Variants in PCP4L1 observed in about 807,000 individuals in gnomAD.
PCP4L1 encodes the protein Purkinje cell protein 4 like 1.
Under a neutral mutation model 9.6 loss-of-function variants are expected in PCP4L1, and 9 were observed. That is an observed-to-expected ratio of 0.94 (90% CI 0.57 to 1.64). The LOEUF is 1.64. Ranked by LOEUF, PCP4L1 falls within the 40% of genes most tolerant of loss-of-function variation. The probability of loss-of-function intolerance (pLI) is 0.00; values close to 1 mark genes in which losing one functional copy is unlikely to be tolerated. For missense variants in PCP4L1, 81 were observed against 80.8 expected (o/e 1.00, Z -0.01); for synonymous variants, 31 against 28.2 (o/e 1.10, Z -0.31).
chr1:161,281,096 G>A (rs1029520626), intron 1 of PCP4L1, among the ~76,000 whole-genome samples: 7 of 152,082 alleles, frequency 4.6e-5, no homozygotes, highest in South Asian at 2.1e-4. Flanking sequence ...ATCTTGCACC[G>A]CCCCTAATCC....
chr1:161,265,732 C>CTTTTTTT (rs869123262), intron 1 of PCP4L1, among the ~76,000 whole-genome samples: 1 of 76,704 alleles, frequency 1.3e-5, no homozygotes. Context: ...TCCAAAACCA[C>CTTTTTTT]TTTTTTTTTT....
chr1:161,274,227 C>G (rs1043247523), intron 1 of PCP4L1, among the ~76,000 whole-genome samples: 4 of 152,034 alleles, frequency 2.6e-5, no homozygotes, highest in African/African-American at 9.7e-5. Flanking sequence ...TTCCAGTTCC[C>G]CCAGTTGGGT....
chr1:161,279,629 T>C (rs992745578), intron 1 of PCP4L1, among the ~76,000 whole-genome samples: 1 of 152,222 alleles, frequency 6.6e-6, no homozygotes, highest in African/African-American at 2.4e-5. Flanking sequence ...ACTAAGCTGT[T>C]CCAAGAATTA....
rs1669875580 is a variant in PCP4L1, at chr1:161,284,495, C to CCCTTCA, written c.*27_*32dup. ...CCCAGCTCCTGAATGGCCAGGCTTG[C>CCCTTCA]CCTTCACCTTCACCTTCATGCTGGT... On this transcript the variant is annotated 3_prime_UTR_variant, in exon 3 of 3. Coordinates refer to ENST00000504449, the MANE Select transcript of PCP4L1 (RefSeq NM_001102566.2). The CCCTTCA allele has an allele frequency of 1.2e-6, 2 of 1,608,922 alleles. No homozygotes were observed. Among genetic ancestry groups the CCCTTCA allele is most frequent in the South Asian group, 1.1e-5 (1 of 90,298 alleles).
chr1:161,269,268 A>G (rs975989602), intron 1 of PCP4L1, among the ~76,000 whole-genome samples: 1 of 152,160 alleles, frequency 6.6e-6, no homozygotes, highest in African/African-American at 2.4e-5. Flanking sequence ...AGGGGGGGTA[A>G]GACATTACCT....
chr1:161,267,905 GT>G (rs1340916036), intron 1 of PCP4L1, among the ~76,000 whole-genome samples: 1 of 152,046 alleles, frequency 6.6e-6, no homozygotes, highest in Non-Finnish European at 1.5e-5. Context: ...TAGAGACAGG[GT>G]TTCACCATGT....
At chr1:161,275,061 AG>A (rs1260325155) in intron 1 of PCP4L1, among the ~76,000 whole-genome samples, 1 of 152,130 alleles carries the variant, frequency 6.6e-6, no homozygotes, top group African/African-American at 2.4e-5. Context: ...TTCCAGGGCC[AG>A]TGATCTCCAG....
At chr1:161,264,375 G>A (rs1279787431) in intron 1 of PCP4L1, among the ~76,000 whole-genome samples, 2 of 152,100 alleles carry the variant, frequency 1.3e-5, no homozygotes, top group African/African-American at 4.8e-5. Flanking sequence ...AAATTAGCCA[G>A]GTGTGGTGGC....
chr1:161,279,462 A>C (rs547751870), intron 1 of PCP4L1, among the ~76,000 whole-genome samples: 1 of 152,252 alleles, frequency 6.6e-6, no homozygotes, highest in South Asian at 2.1e-4. Flanking sequence ...GAACACAAGT[A>C]AGTGCTTGAT....
chr1:161,265,244 G>A (rs1424344292), intron 1 of PCP4L1, among the ~76,000 whole-genome samples: 2 of 152,088 alleles, frequency 1.3e-5, no homozygotes, highest in Non-Finnish European at 2.9e-5. Flanking sequence ...GGAAGAGAAT[G>A]GTAAGGCCAG....
At chr1:161,262,433 C>CAA (rs539872397) in intron 1 of PCP4L1, among the ~76,000 whole-genome samples, 1,231 of 62,498 alleles carry the variant, frequency 0.02, 38 homozygotes, top group East Asian at 0.079. Flanking sequence ...GACTCCATCT[C>CAA]AAAAAAAAAA....
At chr1:161,260,275 T>C (rs2501865) in intron 1 of PCP4L1, among the ~76,000 whole-genome samples, 37,202 of 152,124 alleles carry the variant, frequency 0.24, 4,616 homozygotes, top group Middle Eastern at 0.33. Context: ...TGTTCACTAA[T>C]TTTATCCTGG....
At chr1:161,283,581 G>A in intron 1 of PCP4L1, 87 bp from the exon 2 acceptor site, 6 of 1,235,308 alleles carry the variant, frequency 4.9e-6, no homozygotes, top group Non-Finnish European at 6.9e-6. Context: ...AATAGGGTTT[G>A]AGAGTATATA....
At chr1:161,282,592 C>G (rs1006229227) in intron 1 of PCP4L1, among the ~76,000 whole-genome samples, 1 of 152,120 alleles carries the variant, frequency 6.6e-6, no homozygotes, top group Admixed American at 6.5e-5. Context: ...TAGCCCAGGC[C>G]CTTCTCTTTA....
chr1:161,262,792 T>A (rs1445555480), intron 1 of PCP4L1, among the ~76,000 whole-genome samples: 1 of 152,208 alleles, frequency 6.6e-6, no homozygotes, highest in Non-Finnish European at 1.5e-5. Flanking sequence ...GAGATAGAGT[T>A]GCAGGCAGAG....
At chr1:161,276,135 C>A (rs1202800831) in intron 1 of PCP4L1, among the ~76,000 whole-genome samples, 2 of 152,090 alleles carry the variant, frequency 1.3e-5, no homozygotes, top group African/African-American at 4.8e-5. Flanking sequence ...CTTGTGATGA[C>A]AGTATTCCTG....
At chr1:161,280,968 C>T (rs1669784283) in intron 1 of PCP4L1, among the ~76,000 whole-genome samples, 1 of 151,898 alleles carries the variant, frequency 6.6e-6, no homozygotes, top group Non-Finnish European at 1.5e-5. Context: ...CTCTGGTTTT[C>T]CTAGGCAGAG....
intron 1 of PCP4L1, among the ~76,000 whole-genome samples, chr1:161,270,023 G>A (rs187523908): frequency 0.011 from 1,694 of 150,980 alleles, 11 homozygotes; most frequent in Non-Finnish European, 0.017. Context: ...AGGACTGGGC[G>A]TGGTGGCTCA....
rs546114335 is a variant in PCP4L1, at chr1:161,273,060, C to T, written c.10-10608C>T. 3.9e-5 allele frequency among the ~76,000 whole-genome samples: 6 copies of T among 152,306 alleles called. No homozygotes were observed. In the South Asian group the frequency reaches 1.2e-3, roughly 32 times the overall value. On this transcript the variant is annotated intron_variant, in intron 1 of 2. Coordinates refer to ENST00000504449, the MANE Select transcript of PCP4L1 (RefSeq NM_001102566.2). ...AAGCCAACAAGACTCTCCTTCCTTT[C>T]CTTCTTCCCCATGGGAAGGGAGAAT...
Sources: allele counts gnomAD v4.1 joint callset (sites outside exome capture counted in the v4.1 genomes callset), GRCh38; gene constraint gnomAD v4.1.1; transcripts MANE v1.5; gene names NCBI Gene and HGNC (gene_info 2026-07-23, HGNC 2026-07-21).